Variants in NUP210L observed in about 807,000 individuals in gnomAD.
NUP210L encodes the protein nucleoporin 210 like.
Under a neutral mutation model 208.5 loss-of-function variants are expected in NUP210L, and 74 were observed. The observed-to-expected ratio is 0.35, with a 90% CI of 0.29 to 0.43. The LOEUF (loss-of-function observed/expected upper bound fraction) is 0.43, where lower values mean the gene tolerates loss of function less well. NUP210L is among the 20% of genes least tolerant of loss of function. NUP210L has a pLI of 1.00. For synonymous variants in NUP210L, 780 were observed against 816.9 expected, an observed-to-expected ratio of 0.95 and a Z score of 0.77; for missense variants, 1,843 against 2,289.4, an observed-to-expected ratio of 0.81 and a Z score of 3.98.
At chr1:154,075,583 A>C (rs2148021011) in intron 16 of NUP210L, among the ~76,000 whole-genome samples, 1 of 152,244 alleles carries the variant, frequency 6.6e-6, no homozygotes, top group South Asian at 2.1e-4. Context: ...GCAAAAACAA[A>C]AAACAAAAGC....
intron 13 of NUP210L, among the ~76,000 whole-genome samples, chr1:154,101,002 G>T (rs1222762097): frequency 6.6e-6 from 1 of 151,500 alleles, no homozygotes; most frequent in Non-Finnish European, 1.5e-5. Context: ...GAGAAATCCC[G>T]TCTCTACTAA....
At chr1:154,097,429 A>T (rs1471510213) in intron 14 of NUP210L, among the ~76,000 whole-genome samples, 1 of 152,144 alleles carries the variant, frequency 6.6e-6, no homozygotes, top group Non-Finnish European at 1.5e-5. Flanking sequence ...TGATTTGTGG[A>T]CATTCAATAT....
chr1:154,022,309 T>C, exon 32 of NUP210L: 1 of 1,614,162 alleles, frequency 6.2e-7, no homozygotes, highest in Non-Finnish European at 8.5e-7. Context: ...TAAGTATAGT[T>C]CTTATTCCCT....
exon 34 of NUP210L, chr1:154,012,295 T>C: frequency 6.2e-7 from 1 of 1,613,662 alleles, no homozygotes; most frequent in Admixed American, 1.7e-5. Context: ...TTGAATACAG[T>C]TGAATTGAGG....
At chr1:154,001,751 A>T in exon 36 of NUP210L, 1 of 1,613,824 alleles carries the variant, frequency 6.2e-7, no homozygotes, top group South Asian at 1.1e-5. Flanking sequence ...CTTCCTAAGA[A>T]CTCTGTCCAC....
At chr1:154,135,464 C>T (rs1210925358) in intron 7 of NUP210L, among the ~76,000 whole-genome samples, 1 of 151,898 alleles carries the variant, frequency 6.6e-6, no homozygotes, top group Non-Finnish European at 1.5e-5. Flanking sequence ...CTGTGCCGCC[C>T]AGGTTGGAGT....
chr1:154,009,792 CAAAA>C (rs373230285), intron 35 of NUP210L, among the ~76,000 whole-genome samples, 176 bp downstream of exon 35: 4 of 64,578 alleles, frequency 6.2e-5, no homozygotes, highest in East Asian at 1.0e-3. Context: ...GACCCAGTCT[CAAAA>C]AAAAAAAAAA....
At chr1:154,051,691 A>G (rs543437026) in intron 25 of NUP210L, among the ~76,000 whole-genome samples, 14 of 152,346 alleles carry the variant, frequency 9.2e-5, no homozygotes, top group African/African-American at 3.1e-4. Context: ...TCTTTGGAAA[A>G]TGGATGTCAC....
intron 8 of NUP210L, 27 bp downstream of exon 8, chr1:154,129,250 C>G (rs1356482983): frequency 7.0e-7 from 1 of 1,428,692 alleles, no homozygotes; most frequent in East Asian, 2.3e-5. Flanking sequence ...AGCTATCCAC[C>G]TTTCTGAAAA....
intron 37 of NUP210L, among the ~76,000 whole-genome samples, chr1:153,997,760 G>A (rs1016799338): frequency 2.7e-5 from 4 of 147,206 alleles, no homozygotes; most frequent in Admixed American, 7.0e-5. Context: ...GTGCGATCTC[G>A]ACTCACTGCA....
intron 17 of NUP210L, among the ~76,000 whole-genome samples, chr1:154,065,086 T>TAAATAAAATAAAATAAAATA (rs57418988): frequency 1.3e-4 from 18 of 134,618 alleles, no homozygotes; most frequent in South Asian, 2.5e-4. Flanking sequence ...AGTAAATAAA[T>TAAATAAAATAAAATAAAATA]AAATAAAATA....
chr1:154,073,468 G>C (rs903467579), intron 16 of NUP210L, among the ~76,000 whole-genome samples: 1 of 152,022 alleles, frequency 6.6e-6, no homozygotes, highest in African/African-American at 2.4e-5. Flanking sequence ...AGGTTACAGT[G>C]AGCTATGATT....
chr1:154,041,820 T>A (rs1557935037), intron 27 of NUP210L, among the ~76,000 whole-genome samples: 1 of 152,080 alleles, frequency 6.6e-6, no homozygotes, highest in Non-Finnish European at 1.5e-5. Context: ...AGGTCCTGTG[T>A]TCCCTGCCTT....
At chr1:154,113,997 G>C (rs1657185226) in intron 12 of NUP210L, among the ~76,000 whole-genome samples, 1 of 151,758 alleles carries the variant, frequency 6.6e-6, no homozygotes, top group Non-Finnish European at 1.5e-5. Flanking sequence ...ACAAAAATTA[G>C]CTGGGCGTGG....
At chr1:154,006,250 C>T (rs1348867177) in intron 35 of NUP210L, among the ~76,000 whole-genome samples, 1 of 152,054 alleles carries the variant, frequency 6.6e-6, no homozygotes, top group Non-Finnish European at 1.5e-5. Context: ...ATTATCATGG[C>T]TCACTGCAGC....
intron 35 of NUP210L, among the ~76,000 whole-genome samples, chr1:154,008,913 C>A (rs934591390): frequency 1.4e-4 from 21 of 146,034 alleles, no homozygotes; most frequent in Admixed American, 6.8e-4. Flanking sequence ...TTATACCTTA[C>A]ATTTTTTTTT....
At chr1:154,009,408 C>G (rs1373223004) in intron 35 of NUP210L, among the ~76,000 whole-genome samples, 1 of 151,904 alleles carries the variant, frequency 6.6e-6, no homozygotes, top group Non-Finnish European at 1.5e-5. Context: ...AATGCAGAGC[C>G]TCACAGAGTG....
intron 27 of NUP210L, among the ~76,000 whole-genome samples, chr1:154,038,337 CTTTT>C (rs993828789): frequency 7.1e-4 from 96 of 134,654 alleles, no homozygotes; most frequent in African/African-American, 2.3e-3. Context: ...TTTTCTTTTT[CTTTT>C]TTTTTTTTTT....
intron 16 of NUP210L, among the ~76,000 whole-genome samples, chr1:154,087,814 A>G (rs1655700790): frequency 6.6e-6 from 1 of 152,236 alleles, no homozygotes; most frequent in Non-Finnish European, 1.5e-5. Flanking sequence ...AACATGCTAA[A>G]TGAAAGAAGC....
Sources: allele counts gnomAD v4.1 joint callset (sites outside exome capture counted in the v4.1 genomes callset), GRCh38; gene constraint gnomAD v4.1.1; transcripts MANE v1.5; gene names NCBI Gene and HGNC (gene_info 2026-07-23, HGNC 2026-07-21).